Variants in ERBB4 observed in about 807,000 individuals in gnomAD.
ERBB4 encodes the protein erb-b2 receptor tyrosine kinase 4, also known as receptor tyrosine-protein kinase erbB-4.
Under a neutral mutation model 158.0 loss-of-function variants are expected in ERBB4, and 42 were observed. The observed-to-expected ratio is 0.27, with a 90% CI of 0.21 to 0.34. The LOEUF (loss-of-function observed/expected upper bound fraction) is 0.34, where lower values mean the gene tolerates loss of function less well. Ranked by LOEUF, ERBB4 falls within the 10% of genes least tolerant of loss-of-function variation. The pLI, the probability that ERBB4 is intolerant of heterozygous loss-of-function variation, is 1.00. For synonymous variants in ERBB4, 583 were observed against 558.7 expected, an observed-to-expected ratio of 1.04 and a Z score of -0.61; for missense variants, 1,333 against 1,624.1, an observed-to-expected ratio of 0.82 and a Z score of 3.08.
rs573467491 is a variant in ERBB4 at position 212,445,840 on chromosome 2, C to T, written c.82+92609G>A. Among the ~76,000 whole-genome samples the T allele has an allele frequency of 5.9e-5, 9 of 152,332 alleles. No homozygotes were observed. In the East Asian group the frequency reaches 1.7e-3, roughly 29 times the overall value. On this transcript the variant is annotated intron_variant, in intron 1 of 27. Coordinates refer to ENST00000342788, the MANE Select transcript of ERBB4 (RefSeq NM_005235.3). ...AGAATGGATAGTAGAAGAAGGTAGT[C>T]ATCAACACCACCTACAACCACATGA...
chr2:212,336,514 G>A (rs2088448270), intron 1 of ERBB4, among the ~76,000 whole-genome samples: 2 of 152,002 alleles, frequency 1.3e-5, no homozygotes, highest in African/African-American at 4.8e-5. Context: ...TGATGCCAAT[G>A]ATACAATATT....
intron 2 of ERBB4, among the ~76,000 whole-genome samples, chr2:212,057,749 C>T (rs191705228): frequency 1.3e-5 from 2 of 152,286 alleles, no homozygotes; most frequent in African/African-American, 4.8e-5. Flanking sequence ...AAAGACACAA[C>T]ATACCAGAAT....
chr2:212,057,290 C>G (rs111923690), intron 2 of ERBB4, among the ~76,000 whole-genome samples: 1,739 of 152,176 alleles, frequency 0.011, 43 homozygotes, highest in African/African-American at 0.039. Context: ...CAAGTCCTTA[C>G]AGACCTAGAA....
At chr2:212,504,075 C>G (rs1436891406) in intron 1 of ERBB4, among the ~76,000 whole-genome samples, 1 of 152,090 alleles carries the variant, frequency 6.6e-6, no homozygotes, top group Non-Finnish European at 1.5e-5. Flanking sequence ...TGGCCTGAGA[C>G]CATAGAGAGA....
intron 3 of ERBB4, among the ~76,000 whole-genome samples, chr2:211,857,510 T>C (rs912385492): frequency 1.3e-5 from 2 of 151,676 alleles, no homozygotes; most frequent in African/African-American, 4.9e-5. Context: ...TTTTTTTTTG[T>C]CTCCTCCAGC....
chr2:211,438,287 T>C (rs115206767), intron 20 of ERBB4, among the ~76,000 whole-genome samples: 2,502 of 152,252 alleles, frequency 0.016, 16 homozygotes, highest in South Asian at 0.03. Flanking sequence ...GGGCCAATAA[T>C]AGACACAGAG....
intron 25 of ERBB4, among the ~76,000 whole-genome samples, chr2:211,402,524 T>C (rs748356589): frequency 1.5e-4 from 23 of 152,008 alleles, no homozygotes; most frequent in Non-Finnish European, 2.2e-4. Context: ...TGAAGGCATA[T>C]TGAAGGTAAA....
rs190465916 is a variant in ERBB4 at position 211,885,094 on chromosome 2, T to C, written c.421+62336A>G. ...AAAATGATTACTGTATGTTTGGCTTTTTTGTTGAATTGATATTTAAAATTA... is the reference window on the plus strand; with the variant it reads ...AAAATGATTACTGTATGTTTGGCTTCTTTGTTGAATTGATATTTAAAATTA... On this transcript the variant is annotated intron_variant, in intron 3 of 27. Transcript: ENST00000342788. Among the ~76,000 whole-genome samples the C allele has an allele frequency of 1.6e-3, 237 of 152,306 alleles. 1 individual carries two copies. Among genetic ancestry groups the C allele is most frequent in the African/African-American group, 5.6e-3 (231 of 41,580 alleles).
intron 3 of ERBB4, among the ~76,000 whole-genome samples, chr2:211,809,103 A>G (rs541250449): frequency 6.6e-6 from 1 of 152,234 alleles, no homozygotes; most frequent in South Asian, 2.1e-4. Flanking sequence ...TCTTTTCCTA[A>G]TTGAATACCC....
rs539072869 is a variant in ERBB4 at position 211,524,898 on chromosome 2, C to T, written c.2487+37005G>A. ...GCCCAGGCAGAGGAGGCGCTGAGAG[C>T]GAGCGAGGGCTGTAAGGACTGCCAG... On this transcript the variant is annotated intron_variant, in intron 20 of 27. Transcript: ENST00000342788. Among the ~76,000 whole-genome samples, 48 of 152,276 alleles carry T rather than the reference C, an allele frequency of 3.2e-4. 1 individual carries two copies. The South Asian group carries it at 7.5e-3, about 24-fold the overall frequency.
At chr2:211,485,363 G>A (rs4672614) in intron 20 of ERBB4, among the ~76,000 whole-genome samples, 116,963 of 151,974 alleles carry the variant, frequency 0.77, 45,330 homozygotes, top group South Asian at 0.85. Flanking sequence ...AACCTTGTTC[G>A]TTTATCCTTT....
intron 1 of ERBB4, among the ~76,000 whole-genome samples, chr2:212,427,999 G>T (rs566803662): frequency 3.0e-4 from 46 of 152,228 alleles, no homozygotes; most frequent in African/African-American, 9.6e-4. Context: ...AACTGAGAAA[G>T]AATAATAATG....
intron 1 of ERBB4, among the ~76,000 whole-genome samples, chr2:212,195,653 T>C (rs1301360636): frequency 6.6e-6 from 1 of 152,046 alleles, no homozygotes; most frequent in Non-Finnish European, 1.5e-5. Flanking sequence ...AAGTTCAATA[T>C]TGTCTTCAAG....
chr2:212,422,544 C>G (rs766896915), intron 1 of ERBB4, among the ~76,000 whole-genome samples: 8 of 151,638 alleles, frequency 5.3e-5, no homozygotes, highest in South Asian at 2.1e-4. Context: ...GGGAAAAATT[C>G]TGGTGCTTCG....
intron 2 of ERBB4, among the ~76,000 whole-genome samples, chr2:212,005,512 C>CA (rs762826540): frequency 9.0e-4 from 137 of 152,078 alleles, no homozygotes; most frequent in Non-Finnish European, 1.6e-3. Context: ...CTTGAAGGAA[C>CA]AAGGAAGGCT....
intron 1 of ERBB4, among the ~76,000 whole-genome samples, chr2:212,215,321 T>G (rs1339320328): frequency 6.6e-6 from 1 of 151,560 alleles, no homozygotes; most frequent in Non-Finnish European, 1.5e-5. Context: ...AAACAGTCAC[T>G]ATATAATTAT....
chr2:212,466,569 A>C (rs1437563430), intron 1 of ERBB4, among the ~76,000 whole-genome samples: 1 of 152,164 alleles, frequency 6.6e-6, no homozygotes, highest in Non-Finnish European at 1.5e-5. Flanking sequence ...TCCAAGTAAG[A>C]TATGACTTGC....
chr2:211,856,305 G>A lies in ERBB4; in HGVS notation c.422-68146C>T, dbSNP rs140627336. 1.9e-3 allele frequency among the ~76,000 whole-genome samples: 296 copies of A among 152,206 alleles called. 1 individual carries two copies. The highest frequency in any genetic ancestry group is 6.8e-3 in the African/African-American group (282 of 41,538). ...TTAGGCAATTACAGCCCAGAGCTGT[G>A]AAGTCTGGGGAATGTTCTTCATTAA... is the stretch of plus-strand genomic sequence containing the variant. On this transcript the variant is annotated intron_variant, in intron 3 of 27. Coordinates refer to ENST00000342788, the MANE Select transcript of ERBB4 (RefSeq NM_005235.3).
At chr2:212,185,034 C>CTTTTT (rs762121501) in intron 1 of ERBB4, among the ~76,000 whole-genome samples, 1 of 132,574 alleles carries the variant, frequency 7.5e-6, no homozygotes, top group Non-Finnish European at 1.6e-5. Context: ...TTTTTTTTTT[C>CTTTTT]TTTTGAGACA....
Sources: gnomAD v4.1 joint callset for allele counts (sites outside exome capture counted in the v4.1 genomes callset) on GRCh38, gnomAD v4.1.1 for gene constraint, MANE v1.5 for transcripts, NCBI Gene and HGNC (gene_info 2026-07-23, HGNC 2026-07-21) for gene names.